KIFBP: variants seen among roughly 807,000 people sequenced by gnomAD.
KIFBP encodes KIF-binding protein.
In KIFBP, 46 loss-of-function variants were observed where a neutral mutation model predicts 58.9. The ratio of observed to expected loss-of-function variants is 0.78; its 90% CI spans 0.62 to 1.00. KIFBP has a LOEUF of 1.00. KIFBP is among the 50% of genes least tolerant of loss of function. KIFBP has a pLI of 0.00. For missense variants in KIFBP, 651 were observed against 752.9 expected, an observed-to-expected ratio of 0.86 and a Z score of 1.58; for synonymous variants, 241 against 283.4, an observed-to-expected ratio of 0.85 and a Z score of 1.50.
In KIFBP at chr10:69,012,782, A is replaced by G. The variant is rs146638392; in HGVS notation, c.990+1767A>G. On this transcript the variant is annotated intron_variant, in intron 6 of 6. Coordinates refer to ENST00000361983, the MANE Select transcript of KIFBP (RefSeq NM_015634.4). ...GTGGTGTGCACCTATAGTCCCAGCT[A>G]CTGGGGAGGCTGAGGCAGGAGAATC... 8.4e-3 allele frequency among the ~76,000 whole-genome samples: 1,277 copies of G among 152,212 alleles called. 17 individuals carry two copies. Among genetic ancestry groups the G allele is most frequent in the African/African-American group, 0.029 (1,195 of 41,522 alleles).
At chr10:68,996,134 G>A (rs1843404825) in intron 1 of KIFBP, among the ~76,000 whole-genome samples, 1 of 150,408 alleles carries the variant, frequency 6.6e-6, no homozygotes, top group African/African-American at 2.5e-5. Flanking sequence ...CTCCAGACTG[G>A]GCAACAGAGC....
chr10:69,008,391 A>AAAAAAAAATATATAT, intron 4 of KIFBP, among the ~76,000 whole-genome samples: 28 of 71,582 alleles, frequency 3.9e-4, no homozygotes, highest in Non-Finnish European at 5.3e-4. Flanking sequence ...AAAAAAAAAA[A>AAAAAAAAATATATAT]ATATATATAT....
chr10:69,009,691 C>G (rs1457752921), intron 5 of KIFBP, among the ~76,000 whole-genome samples: 1 of 152,130 alleles, frequency 6.6e-6, no homozygotes, highest in Admixed American at 6.5e-5. Context: ...AAATACCCAT[C>G]TTTTTAAGTA....
intron 6 of KIFBP, among the ~76,000 whole-genome samples, chr10:69,014,459 T>C (rs545135439): frequency 6.6e-6 from 1 of 152,022 alleles, no homozygotes; most frequent in East Asian, 1.9e-4. Context: ...GGCTGTGAGG[T>C]TGGAGCTGAG....
At chr10:69,001,813 G>A (rs1380859496) in intron 2 of KIFBP, among the ~76,000 whole-genome samples, 1 of 151,604 alleles carries the variant, frequency 6.6e-6, no homozygotes, top group Non-Finnish European at 1.5e-5. Flanking sequence ...AATAACATTA[G>A]ATATCACATA....
intron 1 of KIFBP, among the ~76,000 whole-genome samples, chr10:68,996,681 C>T (rs1300763364): frequency 1.3e-5 from 2 of 151,232 alleles, no homozygotes; most frequent in South Asian, 2.1e-4. Flanking sequence ...GGTGAAACCC[C>T]GTCTCTATTA....
rs144418113 is a variant in KIFBP at position 68,994,587 on chromosome 10, T to C, written c.426+5329T>C. Among the ~76,000 whole-genome samples the C allele has an allele frequency of 3.7e-4, 56 of 152,276 alleles. 1 individual carries two copies. In the East Asian group the frequency reaches 0.01, roughly 27 times the overall value. On this transcript the variant is annotated intron_variant, in intron 1 of 6. Transcript: ENST00000361983. ...ACACTGGCACTACCATCTTGATTACTTCACTTTAGTAAAATTTCCTAGGAA... is the reference window on the plus strand; with the variant it reads ...ACACTGGCACTACCATCTTGATTACCTCACTTTAGTAAAATTTCCTAGGAA...
intron 6 of KIFBP, among the ~76,000 whole-genome samples, chr10:69,013,063 A>G (rs1180013871): frequency 3.9e-5 from 6 of 151,952 alleles, no homozygotes; most frequent in Admixed American, 1.3e-4. Context: ...CAAAGGGGGA[A>G]ATGCCACACA....
intron 1 of KIFBP, among the ~76,000 whole-genome samples, chr10:68,990,282 C>G (rs1843327765): frequency 6.6e-6 from 1 of 152,148 alleles, no homozygotes; most frequent in Non-Finnish European, 1.5e-5. Flanking sequence ...GTAATCCCAG[C>G]ATTTTGGGAG....
chr10:68,990,071 G>A (rs1309519654), intron 1 of KIFBP, among the ~76,000 whole-genome samples: 1 of 152,180 alleles, frequency 6.6e-6, no homozygotes. Flanking sequence ...TCATTTGTTT[G>A]CATCTTAGGG....
intron 1 of KIFBP, chr10:68,991,675 A>G (rs1843348233): frequency 5.0e-6 from 1 of 198,598 alleles, no homozygotes; most frequent in South Asian, 8.5e-5. Context: ...CACCTGAGCA[A>G]AAGGGTAAAG....
chr10:69,015,621 C>T lies in KIFBP; in HGVS notation c.1071C>T (p.Ser357=). Residue 357 remains serine, a synonymous_variant, in exon 7 of 7, where the codon AGC becomes AGT. Transcript: ENST00000361983. The stretch of plus-strand genomic sequence containing the variant: ...AAAAAGAACTAGATGAGGAGGAAAG[C>T]ATTCGGAAAAAAGCTGTGCAGTTTG... The part of the protein sequence containing the change: ...LRKKELDEEE[S]IRKKAVQFGT... The T allele has an allele frequency of 1.2e-6, 2 of 1,613,816 alleles. No homozygotes were observed. The highest frequency in any genetic ancestry group is 1.3e-5 in the African/African-American group (1 of 74,932).
At position 69,015,542 on chromosome 10, in the gene KIFBP, A is replaced by G; in HGVS notation, c.992A>G (p.Asp331Gly). 2.5e-6 allele frequency: 4 copies of G among 1,613,062 alleles called. No individual in the cohort carries two copies. Among genetic ancestry groups the G allele is most frequent in the Non-Finnish European group, 3.4e-6 (4 of 1,179,726 alleles). The change falls in exon 7 of 7, where the codon GAC (aspartate) becomes GGC (glycine). Residue 331 changes from aspartate (D) to glycine (G), a missense_variant and splice_region_variant. Coordinates refer to ENST00000361983, the MANE Select transcript of KIFBP (RefSeq NM_015634.4). Reference sequence around the variant, plus strand: ...ATAATTTATTTTTTTTTCCTTCAGGACAACATAGGAGAGCTTGATCTTGAT... The same window carrying G: ...ATAATTTATTTTTTTTTCCTTCAGGGCAACATAGGAGAGCTTGATCTTGAT... ...LMQNAQLSMQ[D>G]NIGELDLDKQ...
chr10:69,010,885 A>T lies in KIFBP; in HGVS notation c.875-15A>T. 1 of 1,536,682 alleles carries T rather than the reference A, an allele frequency of 6.5e-7. No individual in the cohort carries two copies. The highest frequency in any genetic ancestry group is 1.4e-5 in the African/African-American group (1 of 73,444). On this transcript the variant is annotated splice_polypyrimidine_tract_variant and intron_variant, in intron 5 of 6. Transcript: ENST00000361983. ...TTGTGACCATTAACTTAAACAAATC[A>T]CATGTATATTTTAGCTCCTGAAGCT...
chr10:69,008,856 G>T lies in KIFBP; in HGVS notation c.805G>T (p.Ala269Ser), dbSNP rs752246398. 2 of 1,613,482 alleles carry T rather than the reference G, an allele frequency of 1.2e-6. No homozygotes were observed. Among genetic ancestry groups the T allele is most frequent in the Non-Finnish European group, 1.7e-6 (2 of 1,179,558 alleles). ...TCCCCAATAGCTATGCTTTATGGAG[G>T]CCAGGCACTGTTTATCAGCTGCTAA... Reference protein sequence around the residue: ...FYINKLCFMEARHCLSAANVI... With the variant: ...FYINKLCFMESRHCLSAANVI... The change falls in exon 5 of 7, where the codon GCC becomes TCC. Residue 269 changes from alanine to serine, a missense_variant. Ala to Ser is a moderately conservative substitution (Grantham distance 99). Coordinates refer to ENST00000361983, the MANE Select transcript of KIFBP (RefSeq NM_015634.4).
At chr10:69,000,735 C>T (rs1843458192) in intron 2 of KIFBP, among the ~76,000 whole-genome samples, 1 of 152,132 alleles carries the variant, frequency 6.6e-6, no homozygotes, top group Admixed American at 6.5e-5. Flanking sequence ...ACATAATGGC[C>T]ACCTAGTCTA....
intron 1 of KIFBP, among the ~76,000 whole-genome samples, chr10:68,994,052 G>A (rs1315287595): frequency 6.6e-6 from 1 of 152,120 alleles, no homozygotes; most frequent in Non-Finnish European, 1.5e-5. Flanking sequence ...AGCTGTGTGT[G>A]GTGGCATGCA....
chr10:68,992,621 G>C (rs982267548), intron 1 of KIFBP, among the ~76,000 whole-genome samples: 1 of 152,118 alleles, frequency 6.6e-6, no homozygotes, highest in Admixed American at 6.5e-5. Flanking sequence ...GGATCCTTAG[G>C]TTGATGCTGA....
Position 68,989,039 on chromosome 10 carries a change from C to G in KIFBP, c.207C>G (p.Ala69=). The change falls in exon 1 of 7, where the codon GCC becomes GCG. Residue 69 remains alanine, a synonymous_variant. Coordinates refer to ENST00000361983, the MANE Select transcript of KIFBP (RefSeq NM_015634.4). ...CTGAGGCCGAGGACGGCCCGGGTGC[C>G]GGTGACCACGCCCTGGGGCTGCCGG... The part of the protein sequence containing the change: ...ERPEAEDGPG[A]GDHALGLPAE... 6.2e-7 allele frequency: 1 copy of G among 1,613,490 alleles called. No individual in the cohort carries two copies. Among genetic ancestry groups the G allele is most frequent in the Non-Finnish European group, 8.5e-7 (1 of 1,179,600 alleles).
Sources: gnomAD v4.1 joint callset for allele counts (sites outside exome capture counted in the v4.1 genomes callset) on GRCh38, gnomAD v4.1.1 for gene constraint, MANE v1.5 for transcripts, NCBI Gene and HGNC (gene_info 2026-07-23, HGNC 2026-07-21) for gene names.